IGSF10: variants seen among roughly 807,000 people sequenced by gnomAD.
IGSF10 encodes calvaria mechanical force protein 608.
In IGSF10, 126 loss-of-function variants were observed where a neutral mutation model predicts 128.2. The ratio of observed to expected loss-of-function variants is 0.98; its 90% CI spans 0.85 to 1.14. The LOEUF is 1.14. Among genes scored for constraint, IGSF10 ranks in the 50% most tolerant of loss-of-function variants. The probability of loss-of-function intolerance (pLI) is 0.00; values close to 1 mark genes in which losing one functional copy is unlikely to be tolerated. For missense variants in IGSF10, 3,295 were observed against 3,149.8 expected (o/e 1.05, Z -1.10); for synonymous variants, 1,185 against 1,146.2 (o/e 1.03, Z -0.68).
the IGSF10 span, among the ~76,000 whole-genome samples, chr3:151,508,999 G>C: frequency 6.6e-6 from 1 of 152,122 alleles, no homozygotes; most frequent in African/African-American, 2.4e-5. Flanking sequence ...CATTTCCACA[G>C]TTAATTGCTT....
the IGSF10 span, among the ~76,000 whole-genome samples, chr3:151,500,537 G>A: frequency 6.6e-6 from 1 of 152,084 alleles, no homozygotes; most frequent in Non-Finnish European, 1.5e-5. Context: ...GTAATGGCCA[G>A]ACATGGCACA....
chr3:151,453,580 A>C lies in IGSF10; in HGVS notation c.519T>G (p.Phe173Leu). The change falls in exon 5 of 8, where the codon TTT becomes TTG. Residue 173 changes from phenylalanine to leucine, a missense_variant. Transcript: ENST00000282466. Reference sequence around the variant, plus strand: ...ATATCTGGAGGTAGCTCAAAGAGACAAATGTATCTGGGTGGAGCTTAGTGA... The same window carrying C: ...ATATCTGGAGGTAGCTCAAAGAGACCAATGTATCTGGGTGGAGCTTAGTGA... ...NQLTKLHPDT[F>L]VSLSYLQIFK... The C allele has an allele frequency of 6.2e-7, 1 of 1,613,998 alleles. No individual in the cohort carries two copies. Among genetic ancestry groups the C allele is most frequent in the African/African-American group, 1.3e-5 (1 of 75,056 alleles).
chr3:151,545,929 C>T, the IGSF10 span, among the ~76,000 whole-genome samples: 26 of 152,028 alleles, frequency 1.7e-4, no homozygotes, highest in Non-Finnish European at 3.2e-4. Flanking sequence ...TTACTGCTCC[C>T]TATCCAAATG....
Position 151,448,041 on chromosome 3 carries a change from G to T in IGSF10, c.1940C>A (p.Ala647Glu). 1.2e-6 allele frequency: 2 copies of T among 1,614,158 alleles called. No individual in the cohort carries two copies. Among genetic ancestry groups the T allele is most frequent in the Non-Finnish European group, 8.5e-7 (1 of 1,180,030 alleles). ...AAAATCAACCCCTGATGGGTTGGCT[G>T]CCACACAGCGATAATAACCTTGGTC... is the stretch of plus-strand genomic sequence containing the variant. ...PKDQGYYRCV[A>E]ANPSGVDFLI... Residue 647 changes from alanine (A) to glutamate (E), a missense_variant, in exon 6 of 8, where the codon GCA (alanine) becomes GAA (glutamate). Coordinates refer to ENST00000282466, the MANE Select transcript of IGSF10 (RefSeq NM_178822.5).
the IGSF10 span, among the ~76,000 whole-genome samples, chr3:151,573,203 C>T: frequency 1.3e-5 from 2 of 152,168 alleles, no homozygotes; most frequent in Non-Finnish European, 1.5e-5. Context: ...AATGTATATT[C>T]TGTTGATTTG....
chr3:151,595,189 T>C, the IGSF10 span, among the ~76,000 whole-genome samples: 1 of 152,222 alleles, frequency 6.6e-6, no homozygotes, highest in East Asian at 1.9e-4. Flanking sequence ...GTACGGACAT[T>C]ATGGAAAACA....
chr3:151,485,731 C>T, the IGSF10 span, among the ~76,000 whole-genome samples: 3 of 152,248 alleles, frequency 2.0e-5, no homozygotes, highest in Middle Eastern at 6.8e-3. Flanking sequence ...AAATAAAATC[C>T]TTCACAGACA....
the IGSF10 span, among the ~76,000 whole-genome samples, chr3:151,510,986 A>G: frequency 1.3e-5 from 2 of 152,190 alleles, no homozygotes; most frequent in African/African-American, 4.8e-5. Context: ...ATCTACGTCT[A>G]ATTGGTGTAC....
the IGSF10 span, among the ~76,000 whole-genome samples, chr3:151,478,686 C>A: frequency 6.6e-6 from 1 of 152,084 alleles, no homozygotes. Flanking sequence ...AGAAGACAAT[C>A]AAATTCCAAT....
At chr3:151,604,616 C>T in the IGSF10 span, among the ~76,000 whole-genome samples, 2 of 151,092 alleles carry the variant, frequency 1.3e-5, no homozygotes, top group African/African-American at 4.9e-5. Flanking sequence ...CACACACACA[C>T]ACACACACAC....
At position 151,447,990 on chromosome 3, in the gene IGSF10, A is replaced by G. The variant is rs151226002; in HGVS notation, c.1991T>C (p.Met664Thr). ...DFLIFQVSVKMKGQRPLEHDG... is the reference protein window; with the variant it reads ...DFLIFQVSVKTKGQRPLEHDG... ...ATGCTCCAAGGGCCTTTGTCCTTTC[A>G]TCTTGACTGAAACTTGGAAAATCAA... The change falls in exon 6 of 8, where the codon ATG (methionine) becomes ACG (threonine). Residue 664 changes from methionine to threonine, a missense_variant. By Grantham distance (81) the Met-to-Thr change is moderately conservative. Transcript: ENST00000282466. 1,183 of 1,614,174 alleles carry G rather than the reference A, an allele frequency of 7.3e-4. 7 individuals are homozygous for G. In the African/African-American group the frequency reaches 0.014, roughly 20 times the overall value.
chr3:151,540,414 T>C, the IGSF10 span, among the ~76,000 whole-genome samples: 1 of 152,310 alleles, frequency 6.6e-6, no homozygotes, highest in African/African-American at 2.4e-5. Context: ...TCCAGCTTCT[T>C]TTGCTTAACA....
rs752090382 is a variant in IGSF10 at position 151,446,531 on chromosome 3, T to A, written c.3450A>T (p.Ile1150=). The change falls in exon 6 of 8, where the codon ATA becomes ATT. Residue 1150 remains isoleucine (I), a synonymous_variant. Coordinates refer to ENST00000282466, the MANE Select transcript of IGSF10 (RefSeq NM_178822.5). ...TTACTTTGTGAGTTTTTTCCATGGG[T>A]ATGGATGTTGGAGCATATGTCATGA... ...GAVMTYAPTS[I]PMEKTHKVNA... The A allele has an allele frequency of 5.0e-6, 8 of 1,614,040 alleles. No homozygotes were observed.
the IGSF10 span, among the ~76,000 whole-genome samples, chr3:151,532,402 G>A: frequency 2.0e-5 from 3 of 152,158 alleles, no homozygotes. Flanking sequence ...CAGTATCCCT[G>A]ATGAAGATTG....
chr3:151,536,456 T>C, the IGSF10 span, among the ~76,000 whole-genome samples: 1 of 152,228 alleles, frequency 6.6e-6, no homozygotes, highest in African/African-American at 2.4e-5. Context: ...ATTCATTGTT[T>C]ATCTGAAATT....
At chr3:151,514,395 G>T in the IGSF10 span, among the ~76,000 whole-genome samples, 4 of 152,168 alleles carry the variant, frequency 2.6e-5, no homozygotes, top group Non-Finnish European at 5.9e-5. Context: ...AATAAATGGT[G>T]CTGGGAAAAC....
the IGSF10 span, among the ~76,000 whole-genome samples, chr3:151,592,260 C>T: frequency 6.8e-6 from 1 of 146,718 alleles, no homozygotes; most frequent in South Asian, 2.2e-4. Flanking sequence ...ACACACTCCA[C>T]ATACAAACGC....
chr3:151,437,383 T>C lies in IGSF10; in HGVS notation c.7178A>G (p.Asn2393Ser), dbSNP rs769706595. 2.2e-5 allele frequency: 35 copies of C among 1,614,194 alleles called. No individual in the cohort carries two copies. The highest frequency in any genetic ancestry group is 3.0e-5 in the Non-Finnish European group (35 of 1,180,006). Reference sequence around the variant, plus strand: ...TGTTTTAGAAATGATAAAAGAACCATTGCTTGCTATCAGATACTGATAACT... The same window carrying C: ...TGTTTTAGAAATGATAAAAGAACCACTGCTTGCTATCAGATACTGATAACT... ...PQSYQYLIAS[N>S]GSFIISKTTR... Residue 2393 changes from asparagine (N) to serine (S), a missense_variant, in exon 8 of 8, where the codon AAT becomes AGT. By Grantham distance (46) the Asn-to-Ser change is conservative. Coordinates refer to ENST00000282466, the MANE Select transcript of IGSF10 (RefSeq NM_178822.5).
At chr3:151,546,618 G>A in the IGSF10 span, among the ~76,000 whole-genome samples, 1 of 151,740 alleles carries the variant, frequency 6.6e-6, no homozygotes, top group Non-Finnish European at 1.5e-5. Context: ...CCCAAAGTAA[G>A]CCATCATGCC....
Sources: gnomAD v4.1 joint callset for allele counts (sites outside exome capture counted in the v4.1 genomes callset) on GRCh38, gnomAD v4.1.1 for gene constraint, MANE v1.5 for transcripts, NCBI Gene and HGNC (gene_info 2026-07-23, HGNC 2026-07-21) for gene names.